The following KIR2DL4 variants were observed in gnomAD, a reference collection of about 807,000 sequenced individuals.
KIR2DL4 encodes the protein killer cell immunoglobulin like receptor, two Ig domains and long cytoplasmic tail 4, also known as killer cell immunoglobulin-like receptor 2DL4.
Under a neutral mutation model 31.0 loss-of-function variants are expected in KIR2DL4, and 41 were observed. The observed-to-expected ratio is 1.32, with a 90% CI of 1.03 to 1.72. KIR2DL4 has a LOEUF of 1.72. KIR2DL4 is among the 40% of genes most tolerant of loss of function. The probability of loss-of-function intolerance (pLI) is 0.00; values close to 1 mark genes in which losing one functional copy is unlikely to be tolerated. For synonymous variants in KIR2DL4, 164 were observed against 133.6 expected (o/e 1.23, Z -1.57); for missense variants, 438 against 353.7 (o/e 1.24, Z -1.91).
chr19:54,813,066 C>A (rs2060962193), intron 5 of KIR2DL4: 1 of 1,275,266 alleles, frequency 7.8e-7, no homozygotes, highest in Non-Finnish European at 1.1e-6. Context: ...AAATGAGAGA[C>A]AATCCACAAA....
At chr19:54,813,286 G>C (rs2060985585) in intron 6 of KIR2DL4, 1 of 1,597,044 alleles carries the variant, frequency 6.3e-7, no homozygotes, top group Non-Finnish European at 8.5e-7. Flanking sequence ...AGCAGGATGG[G>C]AGCACGCAGG....
intron 5 of KIR2DL4, among the ~76,000 whole-genome samples, chr19:54,809,579 A>G (rs1006360125): frequency 3.3e-5 from 5 of 151,304 alleles, no homozygotes; most frequent in African/African-American, 1.2e-4. Context: ...GTTCCAGGCA[A>G]GAATCTGCTT....
chr19:54,806,296 G>A, intron 4 of KIR2DL4, 52 bp downstream of exon 4: 1 of 1,539,004 alleles, frequency 6.5e-7, no homozygotes, highest in South Asian at 1.2e-5. Flanking sequence ...AGCCTTAGCT[G>A]AGGAGCTTCC....
At chr19:54,807,146 A>C (rs1317523798) in intron 4 of KIR2DL4, among the ~76,000 whole-genome samples, 2 of 151,178 alleles carry the variant, frequency 1.3e-5, no homozygotes, top group African/African-American at 4.9e-5. Context: ...GTGAGTAAGA[A>C]ATGGCAATCC....
intron 5 of KIR2DL4, among the ~76,000 whole-genome samples, chr19:54,810,735 T>C (rs617907): frequency 0.37 from 55,232 of 150,490 alleles, 10,936 homozygotes; most frequent in Middle Eastern, 0.44. Flanking sequence ...GTGTGTTTGA[T>C]ACTCACAGCC....
chr19:54,810,725 G>A (rs1318947612), intron 5 of KIR2DL4, among the ~76,000 whole-genome samples: 3 of 151,182 alleles, frequency 2.0e-5, no homozygotes, highest in Non-Finnish European at 4.4e-5. Context: ...AACAAGGAGC[G>A]TGTGTTTGAT....
chr19:54,813,786 A>T (rs653142), intron 7 of KIR2DL4, 44 bp downstream of exon 6: 866,428 of 1,609,334 alleles, frequency 0.54, 242,825 homozygotes, highest in East Asian at 0.81. Context: ...TCTTATTCCG[A>T]AATAGTCCTG....
chr19:54,812,771 G>C lies in KIR2DL4; in HGVS notation c.707-354G>C, dbSNP rs1197427000. On this transcript the variant is annotated intron_variant, in intron 5 of 7. Transcript: ENST00000359085. Reference sequence around the variant, plus strand: ...CAACTCTCCAGGGTACTAATAGAGGGAGAACTTGCTAACCCCGTCCTCTGG... The same window carrying C: ...CAACTCTCCAGGGTACTAATAGAGGCAGAACTTGCTAACCCCGTCCTCTGG... Among the ~76,000 whole-genome samples the C allele has an allele frequency of 3.2e-4, 47 of 144,916 alleles. 1 individual carries two copies. Among genetic ancestry groups the C allele is most frequent in the African/African-American group, 1.2e-3 (45 of 37,058 alleles).
At chr19:54,813,125 G>T in exon 6 of KIR2DL4, 1 of 1,460,254 alleles carries the variant, frequency 6.8e-7, no homozygotes, top group Non-Finnish European at 9.4e-7. Context: ...CTTCCTCCAG[G>T]TATCGCCAGA....
In KIR2DL4 at chr19:54,813,138, C is replaced by T. The variant is rs775301250; in HGVS notation, c.720C>T (p.His240=). ...ATCTTCCTCCAGGTATCGCCAGACA[C>T]CTGCATGCTGTGATTAGGTACTCAG... is the stretch of plus-strand genomic sequence containing the variant. Residue 240 remains histidine, a synonymous_variant, in exon 6 of 8, where the codon CAC becomes CAT. Transcript: ENST00000359085. 6.7e-6 allele frequency: 10 copies of T among 1,498,746 alleles called. No homozygotes were observed. The South Asian group carries it at 1.0e-4, about 16-fold the overall frequency. 92.8% of individuals were successfully genotyped at this position (1,498,746 alleles called of 1,614,324 possible).
intron 5 of KIR2DL4, among the ~76,000 whole-genome samples, chr19:54,810,699 C>A (rs1353712262): frequency 1.3e-5 from 2 of 151,158 alleles, no homozygotes; most frequent in Non-Finnish European, 2.9e-5. Context: ...ACTGGGTACA[C>A]AGGAAACTAA....
At chr19:54,808,735 G>C (rs1164224891) in intron 4 of KIR2DL4, 98 bp from the exon 5 acceptor site, 8 of 904,144 alleles carry the variant, frequency 8.8e-6, no homozygotes, top group Non-Finnish European at 1.5e-5. Context: ...CCCAACATTA[G>C]ATAATAGAAT....
At chr19:54,809,033 G>A in intron 5 of KIR2DL4, 150 bp downstream of exon 5, 1 of 753,634 alleles carries the variant, frequency 1.3e-6, no homozygotes, top group Non-Finnish European at 2.4e-6. Flanking sequence ...CAGCGAAAGG[G>A]ATCTGGGCCC....
Position 54,803,968 on chromosome 19 carries a change from A to G in KIR2DL4, c.76+42A>G, listed in dbSNP as rs369973702. On this transcript the variant is annotated intron_variant, in intron 2 of 7. Transcript: ENST00000359085. ...ATGATGGGTTGCCATCTTCACCCCA[A>G]TACAAGTGAATTTTCCAGAAATGGG... The G allele has an allele frequency of 7.0e-6, 11 of 1,572,912 alleles. No individual in the cohort carries two copies. In the African/African-American group the frequency reaches 1.3e-4, roughly 18 times the overall value.
At chr19:54,806,646 T>C (rs1215263418) in intron 4 of KIR2DL4, among the ~76,000 whole-genome samples, 2 of 151,332 alleles carry the variant, frequency 1.3e-5, no homozygotes, top group African/African-American at 4.9e-5. Flanking sequence ...AAAATGCTGA[T>C]TGAGGTTAAA....
chr19:54,805,049 C>T (rs1192458063), exon 3 of KIR2DL4: 1 of 1,608,752 alleles, frequency 6.2e-7, no homozygotes, highest in East Asian at 2.2e-5. Flanking sequence ...GGTCGGCACC[C>T]AGCAACCCCC....
At chr19:54,810,535 C>A (rs1238778331) in intron 5 of KIR2DL4, among the ~76,000 whole-genome samples, 1 of 151,508 alleles carries the variant, frequency 6.6e-6, no homozygotes, top group Non-Finnish European at 1.5e-5. Flanking sequence ...ATAGATCAAC[C>A]CCTGGAAGAT....
chr19:54,803,847 G>A, intron 1 of KIR2DL4, 44 bp from the exon 2 acceptor site: 1 of 1,590,330 alleles, frequency 6.3e-7, no homozygotes. Context: ...GGAAAGGGTA[G>A]GTTGCTGCCG....
At chr19:54,813,269 G>A in intron 6 of KIR2DL4, 16 of 1,598,724 alleles carry the variant, frequency 1.0e-5, no homozygotes, top group Non-Finnish European at 1.4e-5. Context: ...TCAGGGCCCT[G>A]TGCGGAAGCA....
Sources: allele counts gnomAD v4.1 joint callset (sites outside exome capture counted in the v4.1 genomes callset), GRCh38; gene constraint gnomAD v4.1.1; transcripts MANE v1.5; gene names NCBI Gene and HGNC (gene_info 2026-07-23, HGNC 2026-07-21).